The following MAP4K3 variants were observed in gnomAD, a reference collection of about 807,000 sequenced individuals.
The protein encoded by MAP4K3 is mitogen-activated protein kinase kinase kinase kinase 3, also known as MAPK/ERK kinase kinase kinase 3.
In MAP4K3, 94 loss-of-function variants were observed where a neutral mutation model predicts 143.5. That is an observed-to-expected ratio of 0.65 (90% confidence interval 0.55 to 0.78). The LOEUF (loss-of-function observed/expected upper bound fraction) is 0.78. MAP4K3 is among the 30% of genes least tolerant of loss of function. The pLI, the probability that MAP4K3 is intolerant of heterozygous loss-of-function variation, is 0.00. For synonymous variants in MAP4K3, 416 were observed against 347.2 expected, an observed-to-expected ratio of 1.20 and a Z score of -2.20; for missense variants, 1,077 against 1,068.1, an observed-to-expected ratio of 1.01 and a Z score of -0.12.
At chr2:39,290,628 A>G (rs1004032034) in intron 18 of MAP4K3, among the ~76,000 whole-genome samples, 3 of 152,184 alleles carry the variant, frequency 2.0e-5, no homozygotes, top group African/African-American at 7.2e-5. Context: ...AGAAGTAAAA[A>G]GCAGAACATA....
At chr2:39,378,031 T>A (rs770133277) in intron 2 of MAP4K3, 35 bp downstream of exon 2, 31 of 1,228,756 alleles carry the variant, frequency 2.5e-5, no homozygotes, top group East Asian at 2.4e-4. Flanking sequence ...CATGGCTTTC[T>A]AGCAGTAAGA....
At chr2:39,358,024 T>C (rs1665659554) in intron 2 of MAP4K3, among the ~76,000 whole-genome samples, 1 of 152,168 alleles carries the variant, frequency 6.6e-6, no homozygotes, top group Non-Finnish European at 1.5e-5. Flanking sequence ...AGGATAAAGT[T>C]AACATGTGGA....
intron 19 of MAP4K3, among the ~76,000 whole-genome samples, chr2:39,288,858 C>A (rs1472807189): frequency 6.6e-6 from 1 of 152,168 alleles, no homozygotes; most frequent in Non-Finnish European, 1.5e-5. Flanking sequence ...CGAGATCATC[C>A]TGGCTATCAT....
chr2:39,289,123 C>T (rs1161808194), intron 19 of MAP4K3, among the ~76,000 whole-genome samples: 2 of 152,170 alleles, frequency 1.3e-5, no homozygotes, highest in African/African-American at 4.8e-5. Context: ...TATGGGATGC[C>T]TGAGACACTT....
chr2:39,403,519 G>A (rs1005462766), intron 1 of MAP4K3, among the ~76,000 whole-genome samples: 1 of 152,040 alleles, frequency 6.6e-6, no homozygotes, highest in South Asian at 2.1e-4. Context: ...GCTGACACCC[G>A]ACCATGGAGG....
chr2:39,260,940 T>C (rs1680544404), intron 28 of MAP4K3, 163 bp from the exon 29 acceptor site: 2 of 563,074 alleles, frequency 3.6e-6, no homozygotes, highest in South Asian at 4.9e-5. Flanking sequence ...ATAAACATTT[T>C]AGGTTTACCA....
At chr2:39,256,560 C>T (rs1680349030) in intron 31 of MAP4K3, among the ~76,000 whole-genome samples, 1 of 152,170 alleles carries the variant, frequency 6.6e-6, no homozygotes, top group Admixed American at 6.5e-5. Context: ...AATACATTTT[C>T]TGATGCTGAA....
chr2:39,255,195 C>T (rs1027249114), intron 31 of MAP4K3, among the ~76,000 whole-genome samples: 1 of 152,042 alleles, frequency 6.6e-6, no homozygotes, highest in South Asian at 2.1e-4. Context: ...GTAAGATGAA[C>T]ATTGAGGTTA....
chr2:39,256,341 T>TA (rs1680343190), intron 31 of MAP4K3, among the ~76,000 whole-genome samples: 1 of 152,364 alleles, frequency 6.6e-6, no homozygotes, highest in Admixed American at 6.5e-5. Context: ...CATCCTTATT[T>TA]AGTTCTCCAC....
chr2:39,415,600 T>C (rs944670139), intron 1 of MAP4K3, among the ~76,000 whole-genome samples: 6 of 152,102 alleles, frequency 3.9e-5, no homozygotes, highest in African/African-American at 1.4e-4. Flanking sequence ...CCAATCCTTA[T>C]AAATTAATGT....
At position 39,315,218 on chromosome 2, in the gene MAP4K3, T is replaced by C. The variant is rs974388100; in HGVS notation, c.997+92A>G. On this transcript the variant is annotated intron_variant, in intron 13 of 33. Transcript: ENST00000263881. ...TTTAACAGTGTTTAGTAAGAAAAAC[T>C]ATTCAGAAGGAAATAAAACAAAAAT... 5.0e-6 allele frequency: 4 copies of C among 798,266 alleles called. No individual in the cohort carries two copies. The South Asian group carries it at 8.7e-5, about 17-fold the overall frequency. 49.4% of individuals were successfully genotyped at this position (798,266 alleles called of 1,614,324 possible).
intron 1 of MAP4K3, among the ~76,000 whole-genome samples, chr2:39,384,866 G>T (rs1666454169): frequency 6.6e-6 from 1 of 152,124 alleles, no homozygotes; most frequent in Non-Finnish European, 1.5e-5. Context: ...CCACCATCAG[G>T]AAATAAGAAA....
At chr2:39,280,784 A>C (rs979969944) in intron 22 of MAP4K3, among the ~76,000 whole-genome samples, 1 of 152,162 alleles carries the variant, frequency 6.6e-6, no homozygotes, top group African/African-American at 2.4e-5. Flanking sequence ...TAAAAATTGA[A>C]TTTCACATTA....
At chr2:39,376,634 T>A (rs549560131) in intron 2 of MAP4K3, among the ~76,000 whole-genome samples, 2 of 152,258 alleles carry the variant, frequency 1.3e-5, no homozygotes, top group African/African-American at 4.8e-5. Context: ...GAAAGGCAAG[T>A]CTAGAATGAC....
At chr2:39,277,204 T>C (rs1344688021) in intron 24 of MAP4K3, among the ~76,000 whole-genome samples, 2 of 152,242 alleles carry the variant, frequency 1.3e-5, no homozygotes, top group East Asian at 1.9e-4. Flanking sequence ...TCTGCCTGCC[T>C]ACCCAGCTCC....
At chr2:39,348,765 G>C (rs1277976089) in intron 3 of MAP4K3, among the ~76,000 whole-genome samples, 1 of 152,030 alleles carries the variant, frequency 6.6e-6, no homozygotes, top group Non-Finnish European at 1.5e-5. Flanking sequence ...ATTAAGTAGA[G>C]GGGGAAAAGT....
intron 1 of MAP4K3, among the ~76,000 whole-genome samples, chr2:39,386,470 T>C (rs1666508470): frequency 6.6e-6 from 1 of 152,242 alleles, no homozygotes; most frequent in South Asian, 2.1e-4. Flanking sequence ...ACATCCAAGA[T>C]CTTTTTGCTT....
At chr2:39,359,354 G>T (rs1558664976) in intron 2 of MAP4K3, among the ~76,000 whole-genome samples, 1 of 152,168 alleles carries the variant, frequency 6.6e-6, no homozygotes, top group South Asian at 2.1e-4. Flanking sequence ...ACAAGAGGTG[G>T]ACTCCCATGG....
At chr2:39,285,043 C>G (rs1417695808) in intron 21 of MAP4K3, among the ~76,000 whole-genome samples, 1 of 151,798 alleles carries the variant, frequency 6.6e-6, no homozygotes, top group Non-Finnish European at 1.5e-5. Context: ...TGGGTGCATG[C>G]CACCATGTCT....
Sources: gnomAD v4.1 joint callset for allele counts (sites outside exome capture counted in the v4.1 genomes callset) on GRCh38, gnomAD v4.1.1 for gene constraint, MANE v1.5 for transcripts, NCBI Gene and HGNC (gene_info 2026-07-23, HGNC 2026-07-21) for gene names.